Variants in CYFIP2 observed in about 807,000 individuals in gnomAD.
CYFIP2 encodes the protein cytoplasmic FMR1-interacting protein 2.
Under a neutral mutation model 158.7 loss-of-function variants are expected in CYFIP2, and 29 were observed. The observed-to-expected ratio is 0.18, with a 90% CI of 0.14 to 0.25. The LOEUF is 0.25. Ranked by LOEUF, CYFIP2 falls within the 10% of genes least tolerant of loss-of-function variation. The pLI, the probability that CYFIP2 is intolerant of heterozygous loss-of-function variation, is 1.00. For missense variants in CYFIP2, 852 were observed against 1,639.5 expected (o/e 0.52, Z 8.29); for synonymous variants, 585 against 617.6 (o/e 0.95, Z 0.78).
intron 28 of CYFIP2, among the ~76,000 whole-genome samples, chr5:157,388,567 T>A (rs1212896904): frequency 6.6e-6 from 1 of 152,352 alleles, no homozygotes; most frequent in South Asian, 2.1e-4. Flanking sequence ...ACATCACACA[T>A]ACTTTCATCT....
intron 18 of CYFIP2, 69 bp downstream of exon 18, chr5:157,326,336 C>A: frequency 1.5e-6 from 2 of 1,317,644 alleles, no homozygotes; most frequent in Non-Finnish European, 2.2e-6. Context: ...CAGTCTTTTG[C>A]TATTAGCATG....
Position 157,390,609 on chromosome 5 carries a change from T to C in CYFIP2, c.3535T>C (p.Cys1179Arg). Residue 1179 changes from cysteine to arginine, a missense_variant, in exon 30 of 31, where the codon TGT becomes CGT. Physicochemically the swap from Cys to Arg is radical, Grantham distance 180. Around this residue, in one of 8 missense-constraint regions of CYFIP2, gnomAD observed 223 missense variants for 381.6 expected, o/e 0.58. Coordinates refer to ENST00000620254, the MANE Select transcript of CYFIP2 (RefSeq NM_001037333.3). Reference protein sequence around the residue: ...QQRRFDLFDFCYHLLKVQRQD... With the variant: ...QQRRFDLFDFRYHLLKVQRQD... ...GCGTCGCTTTGACCTGTTCGACTTC[T>C]GTTACCACCTGCTAAAAGTGCAGAG... The C allele has an allele frequency of 6.4e-7, 1 of 1,573,750 alleles. No homozygotes were observed. The highest frequency in any genetic ancestry group is 8.6e-7 in the Non-Finnish European group (1 of 1,159,038).
intron 1 of CYFIP2, among the ~76,000 whole-genome samples, chr5:157,272,430 C>T (rs1305957610): frequency 2.0e-5 from 3 of 152,164 alleles, no homozygotes; most frequent in Non-Finnish European, 2.9e-5. Context: ...TTGATCAAAA[C>T]GATATATACA....
chr5:157,292,712 A>G (rs997490168), intron 3 of CYFIP2, among the ~76,000 whole-genome samples: 1 of 152,164 alleles, frequency 6.6e-6, no homozygotes, highest in Non-Finnish European at 1.5e-5. Context: ...TCTTGAATCT[A>G]CACATTTTTC....
intron 26 of CYFIP2, among the ~76,000 whole-genome samples, chr5:157,381,238 G>A (rs1210890233): frequency 1.3e-5 from 2 of 151,716 alleles, no homozygotes; most frequent in Non-Finnish European, 1.5e-5. Flanking sequence ...CTCTGGATTT[G>A]GTAGTTCTTA....
At position 157,343,534 on chromosome 5, in the gene CYFIP2, C is replaced by G. The variant is rs752613789; in HGVS notation, c.2673+2377C>G. The stretch of plus-strand genomic sequence containing the variant: ...AAGAAATGTTCCCCACCTCGATGTT[C>G]ATCCCGATTCTGGAACCAGAATCAA... On this transcript the variant is annotated intron_variant, in intron 23 of 30. Coordinates refer to ENST00000620254, the MANE Select transcript of CYFIP2 (RefSeq NM_001037333.3). 3.9e-6 allele frequency: 6 copies of G among 1,547,560 alleles called. No individual in the cohort carries two copies. The African/African-American group carries it at 8.2e-5, about 21-fold the overall frequency.
At position 157,267,909 on chromosome 5, in the gene CYFIP2, TG is replaced by T. The variant is rs374414655; in HGVS notation, c.-24+1715del. ...TATTTGGCAAGGGCAGCTTTGGCCC[TG>T]CAGGCAGGAATGCTGTAAGAGTGTG... On this transcript the variant is annotated intron_variant, in intron 1 of 30. Coordinates refer to ENST00000620254, the MANE Select transcript of CYFIP2 (RefSeq NM_001037333.3). Among the ~76,000 whole-genome samples, 1,027 of 152,364 alleles carry T rather than the reference TG, an allele frequency of 6.7e-3. 4 individuals carry two copies. Among genetic ancestry groups the T allele is most frequent in the Non-Finnish European group, 0.011 (743 of 68,028 alleles).
At chr5:157,302,965 C>A in intron 7 of CYFIP2, 75 bp downstream of exon 7, 1 of 1,174,978 alleles carries the variant, frequency 8.5e-7, no homozygotes, top group Non-Finnish European at 1.2e-6. Context: ...TTGGGTGGAC[C>A]ACGAGCCCAA....
intron 23 of CYFIP2, among the ~76,000 whole-genome samples, chr5:157,346,845 C>T (rs1032494923): frequency 1.3e-5 from 2 of 152,192 alleles, no homozygotes; most frequent in Non-Finnish European, 2.9e-5. Flanking sequence ...TTTGCTACTC[C>T]TGGATTGAAT....
intron 23 of CYFIP2, among the ~76,000 whole-genome samples, chr5:157,351,047 C>T (rs772542666): frequency 3.9e-5 from 6 of 151,930 alleles, no homozygotes; most frequent in Non-Finnish European, 8.8e-5. Context: ...TTATTTCTTT[C>T]TCTTGTCTTA....
chr5:157,279,509 C>A (rs1756823817), intron 1 of CYFIP2, among the ~76,000 whole-genome samples: 1 of 152,208 alleles, frequency 6.6e-6, no homozygotes, highest in Admixed American at 6.5e-5. Flanking sequence ...TTATGGGACC[C>A]ACCCCCCTCT....
At position 157,341,167 on chromosome 5, in the gene CYFIP2, C is replaced by A; in HGVS notation, c.2673+10C>A. On this transcript the variant is annotated intron_variant, in intron 23 of 30. Transcript: ENST00000620254. Reference sequence around the variant, plus strand: ...CCTCTATGGATCCAAGGTAAGTAGTCCTGCCCTACCCTGCCTAGAAGAGGG... The same window carrying A: ...CCTCTATGGATCCAAGGTAAGTAGTACTGCCCTACCCTGCCTAGAAGAGGG... 1 of 1,610,192 alleles carries A rather than the reference C, an allele frequency of 6.2e-7. No homozygotes were observed. Among genetic ancestry groups the A allele is most frequent in the South Asian group, 1.1e-5 (1 of 90,996 alleles).
chr5:157,267,236 T>G (rs1031748941), intron 1 of CYFIP2, among the ~76,000 whole-genome samples: 1 of 152,242 alleles, frequency 6.6e-6, no homozygotes, highest in Non-Finnish European at 1.5e-5. Context: ...AAGGATCTTT[T>G]TCTGCTAGTT....
chr5:157,322,990 CAG>C (rs1760726615), intron 15 of CYFIP2: 2 of 1,535,968 alleles, frequency 1.3e-6, no homozygotes, highest in Admixed American at 3.9e-5. Context: ...TGGTGGCACA[CAG>C]GGCCGAAGAG....
chr5:157,384,282 G>A lies in CYFIP2; in HGVS notation c.3207+923G>A, dbSNP rs1048044061. The A allele has an allele frequency of 1.5e-5, 7 of 456,668 alleles. No individual in the cohort carries two copies. In the East Asian group the frequency reaches 4.9e-4, roughly 32 times the overall value. The allele number at this position is 456,668 out of a possible 1,614,324, so 28.3% of individuals were successfully genotyped here. ...TAGGGGGAGAGCGGAGAAACAAAAG[G>A]CATGTGCTATCTCCTTTCAAGTTGA... is the stretch of plus-strand genomic sequence containing the variant. On this transcript the variant is annotated intron_variant, in intron 28 of 30. Transcript: ENST00000620254.
At chr5:157,347,988 A>G (rs1340680651) in intron 23 of CYFIP2, among the ~76,000 whole-genome samples, 2 of 152,360 alleles carry the variant, frequency 1.3e-5, no homozygotes, top group South Asian at 2.1e-4. Flanking sequence ...TGAAGGAGAT[A>G]AAGTATCTGG....
chr5:157,378,430 G>C (rs1267253469), intron 26 of CYFIP2, among the ~76,000 whole-genome samples: 1 of 152,188 alleles, frequency 6.6e-6, no homozygotes, highest in Admixed American at 6.5e-5. Flanking sequence ...TGTGAGTGAG[G>C]CTGAAGTTTC....
At chr5:157,338,016 A>G (rs1035566068) in intron 21 of CYFIP2, among the ~76,000 whole-genome samples, 2 of 152,236 alleles carry the variant, frequency 1.3e-5, no homozygotes, top group South Asian at 2.1e-4. Context: ...ATCCTAAAAG[A>G]TGGCTTAACC....
At chr5:157,288,625 A>G (rs1467807994) in intron 3 of CYFIP2, 1 of 456,040 alleles carries the variant, frequency 2.2e-6, no homozygotes, top group African/African-American at 2.0e-5. Context: ...TTTTAGATGC[A>G]TTGTCTCATT....
Sources: allele counts gnomAD v4.1 joint callset (sites outside exome capture counted in the v4.1 genomes callset), GRCh38; gene constraint gnomAD v4.1.1; regional missense constraint gnomAD v4.1.1; transcripts MANE v1.5; gene names NCBI Gene and HGNC (gene_info 2026-07-23, HGNC 2026-07-21).